LRRC3B: variants seen among roughly 807,000 people sequenced by gnomAD.
LRRC3B encodes the protein leucine-rich repeat-containing protein 3B.
LRRC3B carries 2 observed loss-of-function variants against 12.8 expected under a neutral mutation model. That is an observed-to-expected ratio of 0.16 (90% CI 0.06 to 0.49). The LOEUF is 0.49. Ranked by LOEUF, LRRC3B falls within the 20% of genes least tolerant of loss-of-function variation. LRRC3B has a pLI of 0.96. For synonymous variants in LRRC3B, 132 were observed against 122.0 expected (o/e 1.08, Z -0.54); for missense variants, 189 against 319.4 (o/e 0.59, Z 3.11).
intron 1 of LRRC3B, among the ~76,000 whole-genome samples, chr3:26,671,373 T>TATATATATAGAGAGAGAGAGAGAGAGAG (rs1261897533): frequency 1.1e-4 from 3 of 28,258 alleles, no homozygotes; most frequent in Non-Finnish European, 1.8e-4. Flanking sequence ...TATATATATA[T>TATATATATAGAGAGAGAGAGAGAGAGAG]AGAGAGAGAG....
intron 1 of LRRC3B, among the ~76,000 whole-genome samples, chr3:26,667,329 G>T (rs1480844565): frequency 2.6e-5 from 4 of 152,102 alleles, no homozygotes; most frequent in Non-Finnish European, 5.9e-5. Flanking sequence ...GTCATGCAAA[G>T]CTCCATACCT....
chr3:26,706,560 A>T (rs1700593566), intron 1 of LRRC3B, among the ~76,000 whole-genome samples: 1 of 152,208 alleles, frequency 6.6e-6, no homozygotes, highest in Admixed American at 6.5e-5. Context: ...CACAAGCATT[A>T]CATCCAGTTC....
chr3:26,630,075 G>GA (rs953695785), intron 1 of LRRC3B, among the ~76,000 whole-genome samples: 49 of 150,022 alleles, frequency 3.3e-4, no homozygotes, highest in African/African-American at 6.9e-4. Context: ...AGGATAAGGG[G>GA]AAAAAAAAAT....
At chr3:26,676,772 T>TAAAG (rs1383074573) in intron 1 of LRRC3B, among the ~76,000 whole-genome samples, 1 of 152,198 alleles carries the variant, frequency 6.6e-6, no homozygotes, top group Non-Finnish European at 1.5e-5. Context: ...CATGCTGCTA[T>TAAAG]AAAGACACAT....
intron 1 of LRRC3B, among the ~76,000 whole-genome samples, chr3:26,692,995 G>T (rs527796058): frequency 6.6e-5 from 10 of 152,146 alleles, no homozygotes; most frequent in Non-Finnish European, 1.3e-4. Flanking sequence ...CATCCAGCAG[G>T]CTAGCCAGGG....
intron 1 of LRRC3B, among the ~76,000 whole-genome samples, chr3:26,652,702 CT>C (rs201300376): frequency 6.6e-6 from 1 of 151,366 alleles, no homozygotes; most frequent in Admixed American, 6.6e-5. Context: ...CTTTATTTTT[CT>C]TTTTTTTAAA....
exon 2 of LRRC3B, chr3:26,710,125 T>C (rs754721535): frequency 6.2e-6 from 10 of 1,614,104 alleles, no homozygotes; most frequent in Non-Finnish European, 8.5e-6. Context: ...ACTGCGACTG[T>C]ACTCTACAGC....
chr3:26,663,795 A>G (rs374702199), intron 1 of LRRC3B, among the ~76,000 whole-genome samples: 25 of 152,236 alleles, frequency 1.6e-4, no homozygotes, highest in East Asian at 9.7e-4. Context: ...TACTACATTT[A>G]TTCAGTTACC....
At chr3:26,660,259 T>C (rs1196284345) in intron 1 of LRRC3B, among the ~76,000 whole-genome samples, 1 of 152,196 alleles carries the variant, frequency 6.6e-6, no homozygotes, top group Non-Finnish European at 1.5e-5. Flanking sequence ...TTCTCTTTTC[T>C]CTGTCAGAAA....
rs538019290 is a variant in LRRC3B at position 26,685,338 on chromosome 3, G to C, written c.-160-24175G>C. ...CTTCTTGATTTTACTTGACTTTCTT[G>C]TTTTCTAAAATGATCACCTCCCTTC... is the stretch of plus-strand genomic sequence containing the variant. On this transcript the variant is annotated intron_variant, in intron 1 of 1. Coordinates refer to ENST00000396641, the Ensembl canonical transcript of LRRC3B. Among the ~76,000 whole-genome samples, 5 of 151,282 alleles carry C rather than the reference G, an allele frequency of 3.3e-5. No homozygotes were observed. The East Asian group carries it at 9.8e-4, about 30-fold the overall frequency.
At chr3:26,687,713 T>C (rs532515813) in intron 1 of LRRC3B, among the ~76,000 whole-genome samples, 4 of 152,322 alleles carry the variant, frequency 2.6e-5, no homozygotes, top group Admixed American at 2.6e-4. Flanking sequence ...TAACAAGTGG[T>C]AGAATCGATT....
At chr3:26,671,350 G>GTGTATATATATATA (rs1338809866) in intron 1 of LRRC3B, among the ~76,000 whole-genome samples, 3 of 56,748 alleles carry the variant, frequency 5.3e-5, no homozygotes, top group Admixed American at 5.3e-4. Flanking sequence ...ATATATGTGT[G>GTGTATATATATATA]TATATATATA....
At chr3:26,625,838 A>T (rs928700645) in intron 1 of LRRC3B, among the ~76,000 whole-genome samples, 1 of 152,214 alleles carries the variant, frequency 6.6e-6, no homozygotes, top group Non-Finnish European at 1.5e-5. Context: ...TTTAACCCTC[A>T]CAACAACCCT....
At chr3:26,684,669 C>T (rs1700036658) in intron 1 of LRRC3B, among the ~76,000 whole-genome samples, 1 of 152,176 alleles carries the variant, frequency 6.6e-6, no homozygotes, top group African/African-American at 2.4e-5. Context: ...TTTTTAATGG[C>T]ATTAATCCAC....
chr3:26,703,879 G>T (rs1274598088), intron 1 of LRRC3B, among the ~76,000 whole-genome samples: 5 of 151,760 alleles, frequency 3.3e-5, no homozygotes, highest in African/African-American at 9.7e-5. Context: ...CTGAATAGTT[G>T]CTTTCTGAGG....
chr3:26,675,981 T>A (rs1390591087), intron 1 of LRRC3B, among the ~76,000 whole-genome samples: 1 of 151,152 alleles, frequency 6.6e-6, no homozygotes, highest in Non-Finnish European at 1.5e-5. Flanking sequence ...TTTTTTTTTT[T>A]AATGGTTTCC....
intron 1 of LRRC3B, among the ~76,000 whole-genome samples, chr3:26,687,382 A>G (rs926071758): frequency 6.6e-6 from 1 of 152,180 alleles, no homozygotes; most frequent in Non-Finnish European, 1.5e-5. Context: ...CCTCTGCATT[A>G]TAATTGCTCT....
At chr3:26,627,034 A>G (rs923720724) in intron 1 of LRRC3B, among the ~76,000 whole-genome samples, 3 of 152,206 alleles carry the variant, frequency 2.0e-5, no homozygotes, top group African/African-American at 7.2e-5. Context: ...AGCTGAGGCA[A>G]AACAATATAT....
At chr3:26,671,358 A>ATATATG (rs1699729998) in intron 1 of LRRC3B, among the ~76,000 whole-genome samples, 1 of 69,198 alleles carries the variant, frequency 1.4e-5, no homozygotes, top group African/African-American at 6.2e-5. Flanking sequence ...GTGTATATAT[A>ATATATG]TATATATATA....
Sources: gnomAD v4.1 joint callset for allele counts (sites outside exome capture counted in the v4.1 genomes callset) on GRCh38, gnomAD v4.1.1 for gene constraint, MANE v1.5 for transcripts, NCBI Gene and HGNC (gene_info 2026-07-23, HGNC 2026-07-21) for gene names.